Variants in PLXNA4 observed in about 807,000 individuals in gnomAD.
PLXNA4 encodes plexin A4, also known as plexin-A4.
PLXNA4 carries 44 observed loss-of-function variants against 191.8 expected under a neutral mutation model. The observed-to-expected ratio is 0.23, with a 90% confidence interval of 0.18 to 0.29. The LOEUF (loss-of-function observed/expected upper bound fraction) is 0.29, where lower values mean the gene tolerates loss of function less well. PLXNA4 is among the 10% of genes least tolerant of loss of function. The probability of loss-of-function intolerance (pLI) is 1.00; values close to 1 mark genes in which losing one functional copy is unlikely to be tolerated. For missense variants in PLXNA4, 1,800 were observed against 2,488.8 expected (o/e 0.72, Z 5.89); for synonymous variants, 1,082 against 1,009.5 (o/e 1.07, Z -1.36).
intron 3 of PLXNA4, among the ~76,000 whole-genome samples, chr7:132,403,733 C>T (rs1268179229): frequency 6.6e-6 from 1 of 152,066 alleles, no homozygotes; most frequent in African/African-American, 2.4e-5. Context: ...TGTGGCTTCA[C>T]TTTGTGGGGT....
chr7:132,409,978 A>G (rs1794383995), intron 3 of PLXNA4, among the ~76,000 whole-genome samples: 2 of 152,142 alleles, frequency 1.3e-5, no homozygotes, highest in South Asian at 4.1e-4. Flanking sequence ...AATATTTTGA[A>G]TCTCACCTCT....
intron 3 of PLXNA4, among the ~76,000 whole-genome samples, chr7:132,401,984 C>T (rs893263163): frequency 4.6e-5 from 7 of 152,162 alleles, no homozygotes; most frequent in Admixed American, 1.3e-4. Flanking sequence ...TGTCATGGTT[C>T]ATGTCACTTT....
In PLXNA4 at chr7:132,468,734, GCA is replaced by G. The variant is rs36218194; in HGVS notation, c.1371+20556_1371+20557del. Reference sequence around the variant, plus strand: ...CCTTCAACACACACAATATGCACACGCACACACACACACACACACACAATACA... The same window carrying G: ...CCTTCAACACACACAATATGCACACGCACACACACACACACACACAATACA... On this transcript the variant is annotated intron_variant, in intron 3 of 31. Coordinates refer to ENST00000321063, the MANE Select transcript of PLXNA4 (RefSeq NM_020911.2). 9.6e-3 allele frequency among the ~76,000 whole-genome samples: 1,391 copies of G among 144,836 alleles called. 4 individuals carry two copies. Among genetic ancestry groups the G allele is most frequent in the African/African-American group, 0.021 (832 of 40,038 alleles).
intron 2 of PLXNA4, among the ~76,000 whole-genome samples, chr7:132,585,607 C>G (rs1179247475): frequency 6.6e-6 from 1 of 152,174 alleles, no homozygotes; most frequent in East Asian, 1.9e-4. Context: ...TTATGAAATG[C>G]CACTCTCTGG....
intron 29 of PLXNA4, among the ~76,000 whole-genome samples, chr7:132,144,202 G>A (rs778059687): frequency 2.6e-5 from 4 of 152,130 alleles, no homozygotes; most frequent in Non-Finnish European, 5.9e-5. Flanking sequence ...GGAAGCAATG[G>A]GACAAAGGAT....
Position 132,148,605 on chromosome 7 carries a change from C to T in PLXNA4, c.4702G>A (p.Glu1568Lys). 1 of 1,614,184 alleles carries T rather than the reference C, an allele frequency of 6.2e-7. No individual in the cohort carries two copies. The highest frequency in any genetic ancestry group is 1.1e-5 in the South Asian group (1 of 91,078). The stretch of plus-strand genomic sequence containing the variant: ...TTCTCAATCTTGGTGGTGATGTCTT[C>T]ATCCTGCAAGATCATCCTTGCCCCA... ...GSGARMILQDEDITTKIENDW... is the reference protein window; with the variant it reads ...GSGARMILQDKDITTKIENDW... The change falls in exon 26 of 32, where the codon GAA becomes AAA. Residue 1568 changes from glutamate (E) to lysine (K), a missense_variant. Physicochemically the swap from Glu to Lys is moderately conservative, Grantham distance 56. This residue lies in a region of PLXNA4 where 214 missense variants were observed against 298.2 expected (regional missense o/e 0.72). Coordinates refer to ENST00000321063, the MANE Select transcript of PLXNA4 (RefSeq NM_020911.2).
chr7:132,193,377 T>A (rs1357769824), intron 14 of PLXNA4, among the ~76,000 whole-genome samples: 1 of 151,730 alleles, frequency 6.6e-6, no homozygotes, highest in Non-Finnish European at 1.5e-5. Flanking sequence ...GAACAAGGAG[T>A]CAAATAAATG....
intron 9 of PLXNA4, among the ~76,000 whole-genome samples, chr7:132,216,644 T>C (rs181815506): frequency 6.6e-6 from 1 of 152,338 alleles, no homozygotes. Flanking sequence ...ATATTTTCCA[T>C]GTGCTATATT....
chr7:132,240,015 A>T (rs1355157796), intron 5 of PLXNA4, among the ~76,000 whole-genome samples: 1 of 151,950 alleles, frequency 6.6e-6, no homozygotes, highest in Non-Finnish European at 1.5e-5. Flanking sequence ...TTTTAAGGGC[A>T]CTCTTTGCAA....
intron 3 of PLXNA4, among the ~76,000 whole-genome samples, chr7:132,358,425 C>G (rs185629168): frequency 6.1e-4 from 93 of 152,308 alleles, no homozygotes; most frequent in Middle Eastern, 3.4e-3. Context: ...GCCAGTGTAG[C>G]TAGAGAGCAG....
intron 3 of PLXNA4, among the ~76,000 whole-genome samples, chr7:132,486,868 G>T (rs1358092547): frequency 6.6e-6 from 1 of 152,146 alleles, no homozygotes; most frequent in Non-Finnish European, 1.5e-5. Flanking sequence ...CCTCAGGAGG[G>T]TTGTCTCTGA....
intron 2 of PLXNA4, among the ~76,000 whole-genome samples, chr7:132,500,486 A>G (rs1798202406): frequency 6.6e-6 from 1 of 151,912 alleles, no homozygotes; most frequent in Non-Finnish European, 1.5e-5. Flanking sequence ...GGGGAGGGGA[A>G]GGGGAAGGGG....
At chr7:132,148,497 G>A (rs1342356231) in intron 26 of PLXNA4, 46 bp downstream of exon 26, 1 of 1,611,034 alleles carries the variant, frequency 6.2e-7, no homozygotes, top group Non-Finnish European at 8.5e-7. Context: ...TCCAGGGCAA[G>A]GGACTTGTAG....
At position 132,164,168 on chromosome 7, in the gene PLXNA4, G is replaced by A. The variant is rs780906661; in HGVS notation, c.4474C>T (p.Arg1492Cys). 1.4e-5 allele frequency: 23 copies of A among 1,614,046 alleles called. No individual in the cohort carries two copies. Among genetic ancestry groups the A allele is most frequent in the South Asian group, 3.3e-5 (3 of 91,088 alleles). The change falls in exon 24 of 32, where the codon CGC (arginine) becomes TGC (cysteine). Residue 1492 changes from arginine to cysteine, a missense_variant. By Grantham distance (180) the Arg-to-Cys change is radical (BLOSUM62 -3). Transcript: ENST00000321063. ...RYSLSEDKLI[R>C]QQIDYKTLVL... ...AGGGTTTTGTAGTCAATCTGCTGGC[G>A]GATGAGCTTGTCCTCGCTCAAGGAG...
chr7:132,639,734 T>C (rs1218370984), intron 2 of PLXNA4, among the ~76,000 whole-genome samples: 2 of 152,224 alleles, frequency 1.3e-5, no homozygotes, highest in East Asian at 3.8e-4. Flanking sequence ...CATCTATAGC[T>C]AGGAAACAAA....
chr7:132,303,124 C>T (rs1286166510), intron 3 of PLXNA4, among the ~76,000 whole-genome samples: 2 of 151,896 alleles, frequency 1.3e-5, no homozygotes, highest in East Asian at 2.0e-4. Context: ...CTGCCCGCCT[C>T]GGCCTCCCAA....
At chr7:132,410,312 T>C (rs930700425) in intron 3 of PLXNA4, among the ~76,000 whole-genome samples, 2 of 151,978 alleles carry the variant, frequency 1.3e-5, no homozygotes, top group African/African-American at 4.8e-5. Context: ...GCCTTCCATC[T>C]GAGCTTCTGA....
At chr7:132,401,425 G>A (rs1211543932) in intron 3 of PLXNA4, among the ~76,000 whole-genome samples, 3 of 152,212 alleles carry the variant, frequency 2.0e-5, no homozygotes, top group African/African-American at 4.8e-5. Context: ...AGCCCAGGCT[G>A]AGAACCTTTG....
intron 4 of PLXNA4, among the ~76,000 whole-genome samples, chr7:132,282,279 T>G (rs1800505963): frequency 2.0e-5 from 3 of 152,078 alleles, no homozygotes; most frequent in African/African-American, 7.2e-5. Context: ...ATTAGGTATA[T>G]CTCCCAATAT....
Sources: allele counts gnomAD v4.1 joint callset (sites outside exome capture counted in the v4.1 genomes callset), GRCh38; gene constraint gnomAD v4.1.1; regional missense constraint gnomAD v4.1.1; transcripts MANE v1.5; gene names NCBI Gene and HGNC (gene_info 2026-07-23, HGNC 2026-07-21).